KCNMA1: variants seen among roughly 807,000 people sequenced by gnomAD.
The protein encoded by KCNMA1 is potassium calcium-activated channel subfamily M alpha 1, also known as Calcium-activated potassium channel subunit alpha-1.
In KCNMA1, 29 loss-of-function variants were observed where a neutral mutation model predicts 140.0. The ratio of observed to expected loss-of-function variants is 0.21; its 90% confidence interval spans 0.15 to 0.28. The LOEUF is 0.28. KCNMA1 is among the 10% of genes least tolerant of loss of function. The pLI is 1.00. For missense variants in KCNMA1, 880 were observed against 1,602.2 expected, an observed-to-expected ratio of 0.55 and a Z score of 7.70; for synonymous variants, 612 against 611.9, an observed-to-expected ratio of 1.00 and a Z score of 0.00.
At chr10:76,987,236 A>G (rs1592852920) in intron 19 of KCNMA1, among the ~76,000 whole-genome samples, 1 of 152,352 alleles carries the variant, frequency 6.6e-6, no homozygotes, top group East Asian at 1.9e-4. Context: ...AAGAATTCAA[A>G]GACCAATTTT....
chr10:77,296,143 T>C (rs897453081), intron 2 of KCNMA1, among the ~76,000 whole-genome samples: 11 of 152,068 alleles, frequency 7.2e-5, no homozygotes, highest in African/African-American at 2.7e-4. Context: ...GATCTTGAAA[T>C]GGGGAGATTG....
At chr10:77,514,148 CT>C (rs1183832633) in intron 1 of KCNMA1, among the ~76,000 whole-genome samples, 1 of 152,252 alleles carries the variant, frequency 6.6e-6, no homozygotes, top group Non-Finnish European at 1.5e-5. Context: ...TCCCCTCTGC[CT>C]GCCCTGATGC....
At chr10:77,306,285 T>C (rs901500162) in intron 2 of KCNMA1, among the ~76,000 whole-genome samples, 4 of 152,062 alleles carry the variant, frequency 2.6e-5, no homozygotes, top group African/African-American at 9.7e-5. Flanking sequence ...GGATAACACA[T>C]GGGGGTTCAT....
At chr10:77,607,446 C>T (rs1048400680) in intron 1 of KCNMA1, among the ~76,000 whole-genome samples, 1 of 152,132 alleles carries the variant, frequency 6.6e-6, no homozygotes, top group Non-Finnish European at 1.5e-5. Flanking sequence ...CCTTAACTGG[C>T]ACAAGGGACT....
chr10:77,213,986 G>A lies in KCNMA1; in HGVS notation c.603-29070C>T, dbSNP rs192766889. On this transcript the variant is annotated intron_variant, in intron 3 of 27. Transcript: ENST00000286628. ...TCTGCTCCCTGCCTTGCCTTGCAAC[G>A]CTCCTTGTCCAGCCTAATTCCCATA... is the stretch of plus-strand genomic sequence containing the variant. 1.7e-3 allele frequency among the ~76,000 whole-genome samples: 258 copies of A among 151,994 alleles called. 2 individuals are homozygous for A. The highest frequency in any genetic ancestry group is 5.9e-3 in the African/African-American group (246 of 41,448).
At chr10:77,003,385 C>T (rs1325567524) in intron 18 of KCNMA1, among the ~76,000 whole-genome samples, 1 of 152,122 alleles carries the variant, frequency 6.6e-6, no homozygotes, top group Non-Finnish European at 1.5e-5. Context: ...TGTGAATGCC[C>T]AGACATCCCA....
downstream of KCNMA1, among the ~76,000 whole-genome samples, chr10:76,881,601 C>T (rs1463649230): frequency 1.3e-5 from 2 of 152,050 alleles, no homozygotes; most frequent in South Asian, 4.2e-4. Flanking sequence ...AATGCCTGGC[C>T]CAAGGCAATT....
intron 1 of KCNMA1, among the ~76,000 whole-genome samples, chr10:77,438,158 A>G (rs2097302692): frequency 6.6e-6 from 1 of 152,100 alleles, no homozygotes; most frequent in Non-Finnish European, 1.5e-5. Context: ...CCTGGGCTCA[A>G]AGTGATCCTC....
intron 2 of KCNMA1, among the ~76,000 whole-genome samples, chr10:77,287,646 G>C (rs919564387): frequency 6.6e-6 from 1 of 152,184 alleles, no homozygotes; most frequent in Non-Finnish European, 1.5e-5. Flanking sequence ...GATGGGAGTT[G>C]GCATGAGGAT....
intron 23 of KCNMA1, among the ~76,000 whole-genome samples, chr10:76,923,245 A>G (rs1327706874): frequency 6.6e-6 from 1 of 152,156 alleles, no homozygotes; most frequent in Admixed American, 6.5e-5. Flanking sequence ...TGAAACAAAT[A>G]TATTTACAGG....
intron 25 of KCNMA1, among the ~76,000 whole-genome samples, chr10:76,892,536 C>T (rs1270043186): frequency 1.3e-5 from 2 of 152,148 alleles, no homozygotes; most frequent in African/African-American, 4.8e-5. Context: ...TTCCATTTTC[C>T]TATGTAAGTA....
At chr10:77,507,900 T>C (rs2046727875) in intron 1 of KCNMA1, among the ~76,000 whole-genome samples, 2 of 152,294 alleles carry the variant, frequency 1.3e-5, no homozygotes, top group South Asian at 4.1e-4. Flanking sequence ...GTGATGTAAA[T>C]AAAAATGGAC....
intron 23 of KCNMA1, among the ~76,000 whole-genome samples, chr10:76,920,796 T>C (rs1038546486): frequency 1.3e-5 from 2 of 152,232 alleles, no homozygotes; most frequent in African/African-American, 4.8e-5. Flanking sequence ...TTCTAGGTAC[T>C]GTCCCTGGCA....
At position 76,885,707 on chromosome 10, in the gene KCNMA1, T is replaced by C; in HGVS notation, c.*1559A>G. 1.0e-6 allele frequency: 1 copy of C among 985,410 alleles called. No individual in the cohort carries two copies. The highest frequency in any genetic ancestry group is 1.2e-6 in the Non-Finnish European group (1 of 829,898). The allele number at this position is 985,410 out of a possible 1,614,324, so 61.0% of individuals were successfully genotyped here. Reference sequence around the variant, plus strand: ...GTCCATCCATAAGGGAAATTGGTTATGGTGAATTGGCCAGTTTTTAAGAAA... The same window carrying C: ...GTCCATCCATAAGGGAAATTGGTTACGGTGAATTGGCCAGTTTTTAAGAAA... On this transcript the variant is annotated 3_prime_UTR_variant, in exon 28 of 28. Transcript: ENST00000286628.
chr10:77,366,395 C>T (rs2094364919), intron 2 of KCNMA1, among the ~76,000 whole-genome samples: 1 of 152,176 alleles, frequency 6.6e-6, no homozygotes, highest in Non-Finnish European at 1.5e-5. Context: ...TCTCAAACTC[C>T]TGACCTTAGG....
At chr10:77,225,927 G>C (rs530936239) in intron 3 of KCNMA1, among the ~76,000 whole-genome samples, 2 of 152,176 alleles carry the variant, frequency 1.3e-5, no homozygotes, top group African/African-American at 2.4e-5. Flanking sequence ...CACAAAGGCC[G>C]CAGATCCAAG....
chr10:77,149,404 T>C (rs2098378497), intron 5 of KCNMA1, among the ~76,000 whole-genome samples: 1 of 152,370 alleles, frequency 6.6e-6, no homozygotes, highest in South Asian at 2.1e-4. Context: ...AGCTCATGTA[T>C]TTATTTCAAC....
intron 1 of KCNMA1, among the ~76,000 whole-genome samples, chr10:77,614,616 C>T (rs2088581502): frequency 6.6e-6 from 1 of 152,168 alleles, no homozygotes; most frequent in South Asian, 2.1e-4. Context: ...CTAGGTGGAA[C>T]TTTCTCTGTG....
intron 2 of KCNMA1, among the ~76,000 whole-genome samples, chr10:77,333,652 T>C (rs577498197): frequency 3.7e-4 from 57 of 152,338 alleles, no homozygotes; most frequent in Non-Finnish European, 5.6e-4. Context: ...TAGCATTTGC[T>C]TGTGGAACCC....
Sources: gnomAD v4.1 joint callset for allele counts (sites outside exome capture counted in the v4.1 genomes callset) on GRCh38, gnomAD v4.1.1 for gene constraint, MANE v1.5 for transcripts, NCBI Gene and HGNC (gene_info 2026-07-23, HGNC 2026-07-21) for gene names.